The following STXBP6 variants were observed in gnomAD, a reference collection of about 807,000 sequenced individuals.
STXBP6 encodes the protein syntaxin binding protein 6.
A neutral mutation model predicts 26.9 loss-of-function variants in STXBP6; 21 were observed. The observed-to-expected ratio is 0.78, with a 90% CI of 0.55 to 1.12. STXBP6 has a LOEUF of 1.12. STXBP6 is among the 50% of genes most tolerant of loss of function. The pLI is 0.00. For synonymous variants in STXBP6, 97 were observed against 92.6 expected (o/e 1.05, Z -0.27); for missense variants, 232 against 257.9 (o/e 0.90, Z 0.69).
chr14:24,987,331 A>G (rs2074358393), intron 1 of STXBP6, among the ~76,000 whole-genome samples: 1 of 152,216 alleles, frequency 6.6e-6, no homozygotes, highest in Admixed American at 6.5e-5. Flanking sequence ...TACTCAATGA[A>G]TAATATTTGG....
intron 2 of STXBP6, among the ~76,000 whole-genome samples, chr14:24,871,894 G>A (rs1312706563): frequency 6.6e-6 from 1 of 152,170 alleles, no homozygotes; most frequent in Non-Finnish European, 1.5e-5. Context: ...AGGACACAAA[G>A]GCAATGCATC....
chr14:24,846,050 T>C (rs893473286), intron 4 of STXBP6, among the ~76,000 whole-genome samples: 2 of 152,184 alleles, frequency 1.3e-5, no homozygotes, highest in Admixed American at 6.5e-5. Context: ...CAATGTAAGC[T>C]TTTCCCTCTT....
At chr14:24,882,115 C>A (rs535058861) in intron 2 of STXBP6, among the ~76,000 whole-genome samples, 1 of 151,770 alleles carries the variant, frequency 6.6e-6, no homozygotes, top group Non-Finnish European at 1.5e-5. Context: ...CGCGGTGGCT[C>A]ACGCCTGTAA....
Position 24,981,939 on chromosome 14 carries a change from AAGG to A in STXBP6, c.-32-7092_-32-7090del, listed in dbSNP as rs370248283. On this transcript the variant is annotated intron_variant, in intron 1 of 5. Coordinates refer to ENST00000323944, the MANE Select transcript of STXBP6 (RefSeq NM_001394410.1). Reference sequence around the variant, plus strand: ...CCAAGAAATAATACAGAGTGAAAACAAGGAGGTTATAAAACAGAAAATGAGCTC... The same window carrying A: ...CCAAGAAATAATACAGAGTGAAAACAAGGTTATAAAACAGAAAATGAGCTC... Among the ~76,000 whole-genome samples the A allele has an allele frequency of 1.8e-3, 269 of 152,336 alleles. 3 individuals carry two copies. The highest frequency in any genetic ancestry group is 6.2e-3 in the African/African-American group (257 of 41,574).
chr14:25,004,285 C>T (rs184473224), intron 1 of STXBP6, among the ~76,000 whole-genome samples: 8 of 152,340 alleles, frequency 5.3e-5, no homozygotes, highest in African/African-American at 1.9e-4. Flanking sequence ...TCACTATCCA[C>T]CATTCCCAAT....
intron 2 of STXBP6, among the ~76,000 whole-genome samples, chr14:24,870,164 A>G (rs1426803688): frequency 6.6e-6 from 1 of 152,140 alleles, no homozygotes; most frequent in Non-Finnish European, 1.5e-5. Flanking sequence ...TGGTACTAAA[A>G]CCTCAGTTTA....
chr14:24,975,706 C>T (rs2074027443), intron 1 of STXBP6, among the ~76,000 whole-genome samples: 1 of 152,180 alleles, frequency 6.6e-6, no homozygotes, highest in Admixed American at 6.5e-5. Flanking sequence ...CACACACATA[C>T]ATAGCCCCCA....
intron 2 of STXBP6, among the ~76,000 whole-genome samples, chr14:24,882,700 C>A (rs897654971): frequency 6.6e-6 from 1 of 152,150 alleles, no homozygotes; most frequent in Non-Finnish European, 1.5e-5. Flanking sequence ...GGAATACATT[C>A]ATAAATAAAT....
chr14:24,910,933 T>G (rs957542249), intron 2 of STXBP6, among the ~76,000 whole-genome samples: 2 of 152,128 alleles, frequency 1.3e-5, no homozygotes, highest in African/African-American at 4.8e-5. Flanking sequence ...GTGGTATGGT[T>G]TTAGCTGTTA....
intron 2 of STXBP6, among the ~76,000 whole-genome samples, chr14:24,973,395 T>C (rs2073957799): frequency 6.9e-6 from 1 of 144,146 alleles, no homozygotes; most frequent in Non-Finnish European, 1.5e-5. Context: ...TTTTTTTTTT[T>C]TTTTTTTTGA....
chr14:25,003,675 T>C (rs1315911305), intron 1 of STXBP6, among the ~76,000 whole-genome samples: 2 of 152,246 alleles, frequency 1.3e-5, no homozygotes, highest in African/African-American at 2.4e-5. Flanking sequence ...CCACTGTAAG[T>C]ACCTTTTGGA....
At chr14:24,949,907 C>G (rs561112053) in intron 2 of STXBP6, among the ~76,000 whole-genome samples, 1 of 152,328 alleles carries the variant, frequency 6.6e-6, no homozygotes, top group African/African-American at 2.4e-5. Context: ...ACCAATCTGG[C>G]TGTTCTGCAC....
At chr14:24,964,094 G>A (rs549957183) in intron 2 of STXBP6, among the ~76,000 whole-genome samples, 2 of 151,520 alleles carry the variant, frequency 1.3e-5, no homozygotes, top group South Asian at 4.2e-4. Context: ...TTATAGAGGC[G>A]CAGCAGGAGT....
chr14:24,967,020 A>C (rs947140484), intron 2 of STXBP6, among the ~76,000 whole-genome samples: 2 of 152,224 alleles, frequency 1.3e-5, no homozygotes, highest in African/African-American at 4.8e-5. Context: ...TTTCTCACAC[A>C]ATCCCTATGC....
intron 1 of STXBP6, among the ~76,000 whole-genome samples, chr14:25,000,737 C>T (rs1033541007): frequency 2.7e-5 from 4 of 149,828 alleles, no homozygotes; most frequent in Non-Finnish European, 5.9e-5. Flanking sequence ...GACACAAGAC[C>T]CCCATTCCAG....
At chr14:24,973,046 A>T (rs1167105979) in intron 2 of STXBP6, among the ~76,000 whole-genome samples, 2 of 152,038 alleles carry the variant, frequency 1.3e-5, no homozygotes, top group African/African-American at 2.4e-5. Flanking sequence ...GAACCCAAGG[A>T]GGTCAAGGCT....
chr14:24,879,225 G>T (rs1221700253), intron 2 of STXBP6, among the ~76,000 whole-genome samples: 1 of 152,156 alleles, frequency 6.6e-6, no homozygotes, highest in African/African-American at 2.4e-5. Context: ...AAAATAATAT[G>T]TAAGATTGGT....
chr14:25,013,243 A>C (rs1418504697), intron 1 of STXBP6, among the ~76,000 whole-genome samples: 1 of 152,172 alleles, frequency 6.6e-6, no homozygotes, highest in Non-Finnish European at 1.5e-5. Context: ...AATATTTTGA[A>C]AACTGGTAGA....
chr14:24,860,527 C>T lies in STXBP6; in HGVS notation c.155-3370G>A, dbSNP rs1033904598. Among the ~76,000 whole-genome samples the T allele has an allele frequency of 5.3e-5, 8 of 152,252 alleles. 2 individuals carry two copies. The highest frequency in any genetic ancestry group is 3.9e-4 in the Admixed American group (6 of 15,284). ...GTTACACCTACACTCTCATTATTCA[C>T]AGCATAATCCCTCAACTATTCCAAA... On this transcript the variant is annotated intron_variant, in intron 2 of 5. Transcript: ENST00000323944.
Sources: allele counts gnomAD v4.1 joint callset (sites outside exome capture counted in the v4.1 genomes callset), GRCh38; gene constraint gnomAD v4.1.1; transcripts MANE v1.5; gene names NCBI Gene and HGNC (gene_info 2026-07-23, HGNC 2026-07-21).